FTO: variants seen among roughly 807,000 people sequenced by gnomAD.
The protein encoded by FTO is FTO alpha-ketoglutarate dependent dioxygenase.
Under a neutral mutation model 63.9 loss-of-function variants are expected in FTO, and 47 were observed. The observed-to-expected ratio is 0.74, with a 90% CI of 0.58 to 0.94. FTO has a LOEUF of 0.94. FTO is among the 40% of genes least tolerant of loss of function. The probability of loss-of-function intolerance (pLI) is 0.00; values close to 1 mark genes in which losing one functional copy is unlikely to be tolerated. For synonymous variants in FTO, 207 were observed against 224.4 expected (o/e 0.92, Z 0.69); for missense variants, 562 against 618.1 (o/e 0.91, Z 0.96).
intron 8 of FTO, among the ~76,000 whole-genome samples, chr16:53,996,830 C>T (rs1254417934): frequency 3.3e-5 from 5 of 152,088 alleles, no homozygotes; most frequent in Middle Eastern, 3.4e-3. Flanking sequence ...GATCTCAGGC[C>T]GGGCACGGGG....
chr16:53,950,366 G>A (rs184626286), intron 8 of FTO, among the ~76,000 whole-genome samples: 3 of 152,110 alleles, frequency 2.0e-5, no homozygotes, highest in Admixed American at 1.3e-4. Context: ...AAATGACCAG[G>A]ATACTTGGAG....
chr16:54,111,674 TTGGCCAG>T, intron 8 of FTO, 81 bp from the exon 9 acceptor site: 1 of 1,368,490 alleles, frequency 7.3e-7, no homozygotes, highest in Non-Finnish European at 1.0e-6. Flanking sequence ...CTTTGGAGCA[TTGGCCAG>T]TGTTGCTCCA....
chr16:53,950,674 A>G (rs564127729), intron 8 of FTO, among the ~76,000 whole-genome samples: 1 of 152,366 alleles, frequency 6.6e-6, no homozygotes, highest in South Asian at 2.1e-4. Flanking sequence ...TGATGCGGTA[A>G]CTTACAGCTT....
In FTO at chr16:53,884,527, G is replaced by T. The variant is rs958342667; in HGVS notation, c.1120-4305G>T. On this transcript the variant is annotated intron_variant, in intron 6 of 8. Coordinates refer to ENST00000471389, the MANE Select transcript of FTO (RefSeq NM_001080432.3). The stretch of plus-strand genomic sequence containing the variant: ...TATTACAGTGAGACATTAATCCCAA[G>T]GGGCGCAGTCACACATCTCATAAGG... Among the ~76,000 whole-genome samples the T allele has an allele frequency of 6.6e-5, 10 of 152,176 alleles. 1 individual carries two copies. Among genetic ancestry groups the T allele is most frequent in the African/African-American group, 2.4e-4 (10 of 41,422 alleles).
intron 8 of FTO, among the ~76,000 whole-genome samples, chr16:54,063,149 G>C (rs2085627161): frequency 6.6e-6 from 1 of 152,162 alleles, no homozygotes; most frequent in African/African-American, 2.4e-5. Context: ...GGTTTAGAAG[G>C]CTGTGCTTAC....
chr16:53,750,026 T>G (rs2035766432), intron 1 of FTO, among the ~76,000 whole-genome samples: 1 of 152,158 alleles, frequency 6.6e-6, no homozygotes, highest in African/African-American at 2.4e-5. Context: ...GAAATAACAT[T>G]GGTGAAAACA....
chr16:53,756,264 A>T (rs1270837756), intron 1 of FTO, among the ~76,000 whole-genome samples: 1 of 152,234 alleles, frequency 6.6e-6, no homozygotes, highest in African/African-American at 2.4e-5. Context: ...ACTGGTCTTC[A>T]TGGCCTTCTG....
At chr16:53,762,099 T>C (rs2077086250) in intron 1 of FTO, among the ~76,000 whole-genome samples, 1 of 152,160 alleles carries the variant, frequency 6.6e-6, no homozygotes, top group Admixed American at 6.5e-5. Context: ...TGACTAGTCA[T>C]TATACTGAGG....
intron 4 of FTO, among the ~76,000 whole-genome samples, chr16:53,857,790 A>G (rs2080051202): frequency 6.6e-6 from 1 of 152,178 alleles, no homozygotes; most frequent in African/African-American, 2.4e-5. Flanking sequence ...CCATCCAGGC[A>G]ATGTAATCTT....
chr16:54,016,585 A>G (rs1201532110), intron 8 of FTO, among the ~76,000 whole-genome samples: 1 of 152,232 alleles, frequency 6.6e-6, no homozygotes, highest in Non-Finnish European at 1.5e-5. Context: ...TTCTCTAAAA[A>G]GCATTCCCCA....
chr16:53,949,275 G>A (rs1050104157), intron 8 of FTO, among the ~76,000 whole-genome samples: 2 of 152,206 alleles, frequency 1.3e-5, no homozygotes, highest in Non-Finnish European at 2.9e-5. Context: ...GAACAAAGAT[G>A]TCATGTGGCC....
At chr16:53,889,001 A>G (rs367837926) in intron 7 of FTO, 50 bp downstream of exon 7, 17 of 1,599,656 alleles carry the variant, frequency 1.1e-5, no homozygotes, top group African/African-American at 2.7e-5. Context: ...TGTGTTATAC[A>G]AATCCTCCAC....
intron 8 of FTO, among the ~76,000 whole-genome samples, chr16:54,041,606 C>T (rs2085076719): frequency 6.6e-6 from 1 of 152,110 alleles, no homozygotes; most frequent in Non-Finnish European, 1.5e-5. Flanking sequence ...ACCCTGAGGA[C>T]AGTATCCTTT....
chr16:53,809,229 A>T (rs1325992436), intron 1 of FTO, among the ~76,000 whole-genome samples: 1 of 152,212 alleles, frequency 6.6e-6, no homozygotes, highest in African/African-American at 2.4e-5. Flanking sequence ...AGGCTGCTTC[A>T]TGGAATTGGA....
At chr16:53,984,131 T>C (rs568342973) in intron 8 of FTO, among the ~76,000 whole-genome samples, 60 of 152,198 alleles carry the variant, frequency 3.9e-4, no homozygotes, top group African/African-American at 1.3e-3. Flanking sequence ...ACTCTGAAAT[T>C]GAGGGCAGCT....
At chr16:53,803,967 C>G (rs1370707116) in intron 1 of FTO, among the ~76,000 whole-genome samples, 1 of 152,134 alleles carries the variant, frequency 6.6e-6, no homozygotes, top group African/African-American at 2.4e-5. Flanking sequence ...CACATAGATT[C>G]CTGTATAAGT....
chr16:54,013,767 C>T (rs1225718499), intron 8 of FTO, among the ~76,000 whole-genome samples: 1 of 152,176 alleles, frequency 6.6e-6, no homozygotes, highest in East Asian at 1.9e-4. Context: ...TCGTTTTTTA[C>T]ACTATATTGT....
intron 8 of FTO, among the ~76,000 whole-genome samples, chr16:54,049,936 T>G (rs1464956310): frequency 6.6e-6 from 1 of 152,322 alleles, no homozygotes; most frequent in East Asian, 1.9e-4. Context: ...CTGGCCATCA[T>G]GAGAGATATT....
At chr16:53,833,615 A>C (rs2079202719) in intron 3 of FTO, among the ~76,000 whole-genome samples, 1 of 152,232 alleles carries the variant, frequency 6.6e-6, no homozygotes, top group Admixed American at 6.5e-5. Context: ...TTGCTGGATC[A>C]AATGATAGGT....
Sources: gnomAD v4.1 joint callset for allele counts (sites outside exome capture counted in the v4.1 genomes callset) on GRCh38, gnomAD v4.1.1 for gene constraint, MANE v1.5 for transcripts, NCBI Gene and HGNC (gene_info 2026-07-23, HGNC 2026-07-21) for gene names.